Variants in ARHGAP45 observed in about 807,000 individuals in gnomAD.
The protein encoded by ARHGAP45 is Rho GTPase activating protein 45.
A neutral mutation model predicts 116.1 loss-of-function variants in ARHGAP45; 56 were observed. That is an observed-to-expected ratio of 0.48 (90% CI 0.39 to 0.60). ARHGAP45 has a LOEUF of 0.60. Ranked by LOEUF, ARHGAP45 falls within the 20% of genes least tolerant of loss-of-function variation. The pLI, the probability that ARHGAP45 is intolerant of heterozygous loss-of-function variation, is 0.00. For synonymous variants in ARHGAP45, 866 were observed against 701.7 expected (o/e 1.23, Z -3.70); for missense variants, 1,622 against 1,601.0 (o/e 1.01, Z -0.22).
intron 2 of ARHGAP45, among the ~76,000 whole-genome samples, chr19:1,070,075 A>G (rs545905447): frequency 9.9e-5 from 15 of 151,746 alleles, no homozygotes; most frequent in Admixed American, 7.9e-4. Flanking sequence ...GGCTCATTGC[A>G]ACCTTCCTCT....
intron 3 of ARHGAP45, 33 bp from the exon 4 acceptor site, chr19:1,073,462 TCCCAGAGTGGG>T (rs2043176894): frequency 6.3e-7 from 1 of 1,595,482 alleles, no homozygotes; most frequent in African/African-American, 1.3e-5. Context: ...GATGGTCACC[TCCCAGAGTGGG>T]CCCACCTCCT....
At chr19:1,084,544 G>C (rs755392793) in intron 22 of ARHGAP45, among the ~76,000 whole-genome samples, 198 bp downstream of exon 22, 38 of 152,370 alleles carry the variant, frequency 2.5e-4, no homozygotes, top group Middle Eastern at 3.4e-3. Context: ...AGGCAAGGCA[G>C]TGCCTTTTGA....
intron 10 of ARHGAP45, 32 bp downstream of exon 10, chr19:1,074,911 G>GGGCGGGGGCA: frequency 6.9e-7 from 1 of 1,445,248 alleles, no homozygotes; most frequent in Non-Finnish European, 9.3e-7. Context: ...GGGCGGGGGC[G>GGGCGGGGGCA]GGCAGCGGGC....
chr19:1,067,251 G>C lies in ARHGAP45; in HGVS notation c.-155G>C. 1 of 1,384,406 alleles carries C rather than the reference G, an allele frequency of 7.2e-7. No homozygotes were observed. The highest frequency in any genetic ancestry group is 9.3e-7 in the Non-Finnish European group (1 of 1,072,904). The allele number at this position is 1,384,406 out of a possible 1,614,324, so 85.8% of individuals were successfully genotyped here. A position where few individuals can be genotyped will look rare whatever the true frequency, so the allele number is the denominator to read the frequency against. ...TCCCCGAAGCCTTTTCCTGTTGGGG[G>C]GAGGGCCCGCCAGTGACGGCCGGGC... is the stretch of plus-strand genomic sequence containing the variant. On this transcript the variant is annotated 5_prime_UTR_variant, in exon 1 of 23. Transcript: ENST00000313093.
chr19:1,078,390 A>C (rs545424271), intron 11 of ARHGAP45, among the ~76,000 whole-genome samples: 3 of 151,002 alleles, frequency 2.0e-5, no homozygotes, highest in Non-Finnish European at 4.4e-5. Context: ...TGATCCGTCC[A>C]CCTCGGCCTC....
In ARHGAP45 at chr19:1,080,941, ACCGTT is replaced by A; in HGVS notation, c.2071_2075del (p.Phe691ProfsTer35). 2 of 1,609,532 alleles carry A rather than the reference ACCGTT, an allele frequency of 1.2e-6. No individual in the cohort carries two copies. The highest frequency in any genetic ancestry group is 1.7e-6 in the Non-Finnish European group (2 of 1,178,558). ...AGCTGCCGGTGGCCGTGCCCAGTGG[ACCGTT>A]CCGCCACGAGGGGCTGTCCAAGGCG... is the stretch of plus-strand genomic sequence containing the variant. On this transcript the variant is annotated frameshift_variant, in exon 17 of 23. Transcript: ENST00000313093. LOFTEE classifies it high-confidence loss of function.
intron 1 of ARHGAP45, chr19:1,067,739 G>A (rs2043065894): frequency 1.5e-6 from 1 of 678,804 alleles, no homozygotes; most frequent in South Asian, 1.5e-5. Flanking sequence ...CGGGGCCCAG[G>A]GAGCAGGAAG....
upstream of ARHGAP45, chr19:1,067,063 C>T: frequency 4.7e-6 from 3 of 639,924 alleles, no homozygotes; most frequent in Non-Finnish European, 6.0e-6. Flanking sequence ...GGCAGGGGCT[C>T]CCGGTCCCAC....
intron 2 of ARHGAP45, among the ~76,000 whole-genome samples, chr19:1,072,892 T>A (rs2043165898): frequency 6.6e-6 from 1 of 152,118 alleles, no homozygotes. Flanking sequence ...GCAGTTTGCT[T>A]TCTGGAGGGA....
At chr19:1,066,037 G>C (rs908877510), upstream of ARHGAP45, 11 of 1,535,478 alleles carry the variant, frequency 7.2e-6, no homozygotes, top group African/African-American at 1.4e-5. Flanking sequence ...TGAGTCGGGG[G>C]CAAAGAGTTC....
chr19:1,075,274 C>A (rs2043224579), intron 10 of ARHGAP45, among the ~76,000 whole-genome samples: 1 of 136,480 alleles, frequency 7.3e-6, no homozygotes, highest in Admixed American at 8.4e-5. Context: ...CTCGCTCTGT[C>A]GCCCAGGCTG....
chr19:1,085,997 A>G lies in ARHGAP45; in HGVS notation c.3402A>G (p.Glu1134=), dbSNP rs781175934. ...TLGSCRERQP[E]FV ...GCTCCTGCAGGGAAAGGCAGCCGGA[A>G]TTCGTGTGAGCTGGGGTGGGGCTGG... Residue 1134 remains glutamate, a synonymous_variant, in exon 23 of 23, where the codon GAA becomes GAG. Coordinates refer to ENST00000313093, the MANE Select transcript of ARHGAP45 (RefSeq NM_012292.5). 1 of 1,611,828 alleles carries G rather than the reference A, an allele frequency of 6.2e-7. No homozygotes were observed. Among genetic ancestry groups the G allele is most frequent in the Non-Finnish European group, 8.5e-7 (1 of 1,179,292 alleles).
intron 8 of ARHGAP45, 35 bp from the exon 9 acceptor site, chr19:1,074,579 C>T (rs1174289720): frequency 1.3e-6 from 2 of 1,508,122 alleles, no homozygotes; most frequent in African/African-American, 1.4e-5. Context: ...TGCCTCCATC[C>T]CTCCCCACCC....
chr19:1,079,888 G>A (rs1568472198), intron 12 of ARHGAP45, 40 bp from the exon 13 acceptor site: 1 of 1,593,878 alleles, frequency 6.3e-7, no homozygotes, highest in Non-Finnish European at 8.6e-7. Context: ...GGACCGGGCG[G>A]CCTCCTCCTG....
intron 11 of ARHGAP45, among the ~76,000 whole-genome samples, chr19:1,079,455 G>A (rs1389915089): frequency 1.4e-5 from 2 of 147,312 alleles, no homozygotes; most frequent in African/African-American, 2.5e-5. Context: ...AGTGAGCTGA[G>A]ATCGTACCAC....
At chr19:1,073,465 C>T in intron 3 of ARHGAP45, 41 bp from the exon 4 acceptor site, 2 of 1,596,778 alleles carry the variant, frequency 1.3e-6, no homozygotes, top group Non-Finnish European at 1.7e-6. Flanking sequence ...GGTCACCTCC[C>T]AGAGTGGGCC....
At chr19:1,081,781 T>TCA (rs779275228) in intron 18 of ARHGAP45, 43 bp downstream of exon 18, 1 of 1,568,530 alleles carries the variant, frequency 6.4e-7, no homozygotes, top group Admixed American at 1.8e-5. Context: ...GAGGCGGGAG[T>TCA]GGGCCGAGGC....
intron 2 of ARHGAP45, among the ~76,000 whole-genome samples, chr19:1,072,553 C>T (rs1246642140): frequency 1.3e-5 from 2 of 152,218 alleles, no homozygotes; most frequent in Non-Finnish European, 2.9e-5. Flanking sequence ...CCACCCCTGG[C>T]TGAGGAGGGC....
chr19:1,086,172 C>CAG lies in ARHGAP45; in HGVS notation c.*167_*168dup, dbSNP rs1455894080. On this transcript the variant is annotated 3_prime_UTR_variant, in exon 23 of 23. Coordinates refer to ENST00000313093, the MANE Select transcript of ARHGAP45 (RefSeq NM_012292.5). Reference sequence around the variant, plus strand: ...GCGGGCGCCTCCTCCCAGAGGCTTCCAGGAGCACGAGGGCCTTGCGGCACA... The same window carrying CAG: ...GCGGGCGCCTCCTCCCAGAGGCTTCCAGAGGAGCACGAGGGCCTTGCGGCACA... 5 of 630,166 alleles carry CAG rather than the reference C, an allele frequency of 7.9e-6. No homozygotes were observed. Among genetic ancestry groups the CAG allele is most frequent in the Middle Eastern group, 8.5e-4 (2 of 2,344 alleles). The allele number at this position is 630,166 out of a possible 1,614,324, so 39.0% of individuals were successfully genotyped here. A position where few individuals can be genotyped will look rare whatever the true frequency, so the allele number is the denominator to read the frequency against.
Sources: gnomAD v4.1 joint callset for allele counts (sites outside exome capture counted in the v4.1 genomes callset) on GRCh38, gnomAD v4.1.1 for gene constraint, MANE v1.5 for transcripts, NCBI Gene and HGNC (gene_info 2026-07-23, HGNC 2026-07-21) for gene names.